The following CNTNAP2 variants were observed in gnomAD, a reference collection of about 807,000 sequenced individuals.
CNTNAP2 encodes contactin-associated protein-like 2.
In CNTNAP2, 98 loss-of-function variants were observed where a neutral mutation model predicts 155.2. That is an observed-to-expected ratio of 0.63 (90% CI 0.54 to 0.75). The LOEUF is 0.75. CNTNAP2 is among the 30% of genes least tolerant of loss of function. The pLI, the probability that CNTNAP2 is intolerant of heterozygous loss-of-function variation, is 0.00. For missense variants in CNTNAP2, 1,727 were observed against 1,688.1 expected, an observed-to-expected ratio of 1.02 and a Z score of -0.40; for synonymous variants, 651 against 631.2, an observed-to-expected ratio of 1.03 and a Z score of -0.47.
chr7:147,260,232 A>C (rs954276099), intron 8 of CNTNAP2, among the ~76,000 whole-genome samples: 2 of 152,204 alleles, frequency 1.3e-5, no homozygotes, highest in African/African-American at 4.8e-5. Flanking sequence ...ATCTGAGAAA[A>C]TAATACCTAA....
chr7:148,357,155 T>C (rs1160092767), intron 21 of CNTNAP2, among the ~76,000 whole-genome samples: 1 of 152,128 alleles, frequency 6.6e-6, no homozygotes, highest in Non-Finnish European at 1.5e-5. Context: ...TGGGACGTAA[T>C]TGAATCATGG....
chr7:147,754,589 A>G (rs1322698108), intron 13 of CNTNAP2, among the ~76,000 whole-genome samples: 2 of 152,254 alleles, frequency 1.3e-5, no homozygotes, highest in African/African-American at 4.8e-5. Context: ...ACTATTAAAA[A>G]TATTGTTTAG....
chr7:146,994,935 TCTC>T (rs1798279235), intron 3 of CNTNAP2, among the ~76,000 whole-genome samples: 1 of 152,034 alleles, frequency 6.6e-6, no homozygotes. Flanking sequence ...ACAATAGATC[TCTC>T]CTCCTATTTA....
rs538365236 is a variant in CNTNAP2, at chr7:146,577,147, A to G, written c.98-197124A>G. 6.6e-5 allele frequency among the ~76,000 whole-genome samples: 10 copies of G among 152,262 alleles called. No individual in the cohort carries two copies. The South Asian group carries it at 1.7e-3, about 25-fold the overall frequency. ...TTATTTAATATTTAAAGTGAAGACT[A>G]TGGAAGGAATTTAGTAATGCTTTTG... On this transcript the variant is annotated intron_variant, in intron 1 of 23. Transcript: ENST00000361727.
chr7:146,471,518 T>C (rs1796798624), intron 1 of CNTNAP2, among the ~76,000 whole-genome samples: 1 of 152,264 alleles, frequency 6.6e-6, no homozygotes, highest in African/African-American at 2.4e-5. Context: ...ATGAGTTCCA[T>C]GATGTTTGCT....
At chr7:148,208,292 G>A (rs894892122) in intron 18 of CNTNAP2, among the ~76,000 whole-genome samples, 1 of 152,134 alleles carries the variant, frequency 6.6e-6, no homozygotes, top group Non-Finnish European at 1.5e-5. Context: ...AGAAAATTCG[G>A]GGAGAGGATC....
At chr7:147,299,440 T>C (rs1181037899) in intron 8 of CNTNAP2, among the ~76,000 whole-genome samples, 1 of 151,894 alleles carries the variant, frequency 6.6e-6, no homozygotes, top group Non-Finnish European at 1.5e-5. Flanking sequence ...GCTGTTTTTT[T>C]TTTTTAATAC....
chr7:147,996,155 A>C (rs1801800448), intron 15 of CNTNAP2, among the ~76,000 whole-genome samples: 1 of 152,230 alleles, frequency 6.6e-6, no homozygotes, highest in African/African-American at 2.4e-5. Context: ...TGGTTTCTCT[A>C]ATAGCTTTGA....
chr7:146,302,109 A>G (rs1171924327), intron 1 of CNTNAP2, among the ~76,000 whole-genome samples: 1 of 152,174 alleles, frequency 6.6e-6, no homozygotes, highest in African/African-American at 2.4e-5. Context: ...GCAAAAATAT[A>G]ATGACATAGT....
At chr7:146,162,310 G>GA (rs1475202955) in intron 1 of CNTNAP2, among the ~76,000 whole-genome samples, 2 of 152,074 alleles carry the variant, frequency 1.3e-5, no homozygotes, top group Admixed American at 6.6e-5. Flanking sequence ...AAATTTACAA[G>GA]AAAAAATCAA....
intron 1 of CNTNAP2, among the ~76,000 whole-genome samples, chr7:146,758,017 G>T (rs1183514619): frequency 6.6e-6 from 1 of 151,974 alleles, no homozygotes; most frequent in African/African-American, 2.4e-5. Context: ...AAACCAAACA[G>T]TGTTTATTTT....
chr7:146,930,554 C>T (rs964040481), intron 3 of CNTNAP2, among the ~76,000 whole-genome samples: 3 of 152,088 alleles, frequency 2.0e-5, no homozygotes, highest in African/African-American at 7.2e-5. Context: ...AACCAGCTAA[C>T]ATAATGACAG....
chr7:147,978,000 A>T lies in CNTNAP2; in HGVS notation c.2383+11A>T, dbSNP rs1405542020. The T allele has an allele frequency of 6.2e-7, 1 of 1,613,716 alleles. No individual in the cohort carries two copies. Among genetic ancestry groups the T allele is most frequent in the Admixed American group, 1.7e-5 (1 of 59,986 alleles). On this transcript the variant is annotated intron_variant, in intron 15 of 23. Transcript: ENST00000361727. ...GCTGCCAAGGAGACAGTAAGTTTGC[A>T]TAGCAGCTATGGCTTGCACTTTCTT... is the stretch of plus-strand genomic sequence containing the variant.
At chr7:146,146,681 T>G (rs1008697770) in intron 1 of CNTNAP2, among the ~76,000 whole-genome samples, 1 of 152,210 alleles carries the variant, frequency 6.6e-6, no homozygotes, top group Middle Eastern at 3.4e-3. Context: ...TTTTGAAAGA[T>G]TCTATTAATA....
At chr7:148,062,153 T>C (rs766167817) in intron 15 of CNTNAP2, among the ~76,000 whole-genome samples, 107 of 151,828 alleles carry the variant, frequency 7.0e-4, no homozygotes, top group Non-Finnish European at 1.4e-3. Context: ...TAAGTGGTTT[T>C]TTTAAGACAC....
At chr7:147,989,754 T>G (rs766703270) in intron 15 of CNTNAP2, among the ~76,000 whole-genome samples, 1 of 152,168 alleles carries the variant, frequency 6.6e-6, no homozygotes, top group Non-Finnish European at 1.5e-5. Flanking sequence ...AATCTCTCAT[T>G]TCCTTCTCAT....
intron 9 of CNTNAP2, among the ~76,000 whole-genome samples, chr7:147,368,496 C>T (rs941374263): frequency 6.6e-6 from 1 of 152,104 alleles, no homozygotes; most frequent in Admixed American, 6.5e-5. Flanking sequence ...TCAATGATGG[C>T]AGCCTTGTTC....
At chr7:148,312,376 A>C (rs181706123) in intron 21 of CNTNAP2, among the ~76,000 whole-genome samples, 134 of 152,314 alleles carry the variant, frequency 8.8e-4, no homozygotes, top group African/African-American at 3.2e-3. Flanking sequence ...ATGAGGAAGA[A>C]ATTTGGGCTT....
At chr7:146,140,607 T>C (rs1797863043) in intron 1 of CNTNAP2, among the ~76,000 whole-genome samples, 1 of 152,178 alleles carries the variant, frequency 6.6e-6, no homozygotes, top group Non-Finnish European at 1.5e-5. Context: ...TGACAGCATC[T>C]CTCATTATTT....
Sources: allele counts gnomAD v4.1 joint callset (sites outside exome capture counted in the v4.1 genomes callset), GRCh38; gene constraint gnomAD v4.1.1; transcripts MANE v1.5; gene names NCBI Gene and HGNC (gene_info 2026-07-23, HGNC 2026-07-21).